RABGAP1L: variants seen among roughly 807,000 people sequenced by gnomAD.
RABGAP1L encodes rab GTPase-activating protein 1-like.
A neutral mutation model predicts 137.7 loss-of-function variants in RABGAP1L; 63 were observed. The ratio of observed to expected loss-of-function variants is 0.46; its 90% CI spans 0.37 to 0.56. The LOEUF is 0.56. Ranked by LOEUF, RABGAP1L falls within the 20% of genes least tolerant of loss-of-function variation. The pLI is 0.00. For synonymous variants in RABGAP1L, 431 were observed against 433.7 expected (o/e 0.99, Z 0.08); for missense variants, 1,095 against 1,244.0 (o/e 0.88, Z 1.80).
At position 174,832,578 on chromosome 1, in the gene RABGAP1L, T is replaced by G. The variant is rs58266314; in HGVS notation, c.2340+20618T>G. Among the ~76,000 whole-genome samples, 826 of 147,956 alleles carry G rather than the reference T, an allele frequency of 5.6e-3. 55 individuals carry two copies. Among genetic ancestry groups the G allele is most frequent in the African/African-American group, 0.019 (779 of 40,548 alleles). On this transcript the variant is annotated intron_variant, in intron 19 of 25. Coordinates refer to ENST00000681986, the MANE Select transcript of RABGAP1L (RefSeq NM_001366446.1). ...TCTTAGGAACTAAGTGCTATGAGCA[T>G]GTTGCAAAAGGAGATCACAGACCCA...
intron 1 of RABGAP1L, among the ~76,000 whole-genome samples, chr1:174,170,590 G>C (rs1237156179): frequency 3.3e-5 from 5 of 149,670 alleles, no homozygotes; most frequent in Non-Finnish European, 5.9e-5. Flanking sequence ...TAGGAGAATC[G>C]CTTGAACCAG....
chr1:174,764,803 G>T (rs1310668283), intron 18 of RABGAP1L, among the ~76,000 whole-genome samples: 1 of 152,124 alleles, frequency 6.6e-6, no homozygotes, highest in Non-Finnish European at 1.5e-5. Flanking sequence ...GCAAACTTCA[G>T]TTCCTTGCCA....
At chr1:174,784,017 T>C (rs956017749) in intron 18 of RABGAP1L, among the ~76,000 whole-genome samples, 1 of 105,066 alleles carries the variant, frequency 9.5e-6, no homozygotes, top group African/African-American at 4.0e-5. Flanking sequence ...TCTTCTTTTT[T>C]TTTTTTTTTT....
intron 11 of RABGAP1L, among the ~76,000 whole-genome samples, chr1:174,352,356 C>T (rs1014813379): frequency 6.6e-6 from 1 of 151,906 alleles, no homozygotes; most frequent in African/African-American, 2.4e-5. Flanking sequence ...TGTTGAAAGA[C>T]TATGATTCAT....
At chr1:174,470,424 C>T (rs539790764) in intron 13 of RABGAP1L, among the ~76,000 whole-genome samples, 58 of 152,282 alleles carry the variant, frequency 3.8e-4, no homozygotes, top group African/African-American at 1.3e-3. Flanking sequence ...TTTATTCATG[C>T]ATCCATGTTG....
At chr1:174,760,927 A>T (rs1198210984) in intron 18 of RABGAP1L, among the ~76,000 whole-genome samples, 1 of 152,244 alleles carries the variant, frequency 6.6e-6, no homozygotes, top group Non-Finnish European at 1.5e-5. Flanking sequence ...ATACTGTTCT[A>T]TGTGCTTGAA....
chr1:174,172,671 C>T (rs1665515296), intron 1 of RABGAP1L, among the ~76,000 whole-genome samples: 1 of 152,082 alleles, frequency 6.6e-6, no homozygotes, highest in African/African-American at 2.4e-5. Context: ...TCTTTAGGTT[C>T]TTTGCCCATT....
chr1:174,692,992 A>G (rs768774273), intron 15 of RABGAP1L, among the ~76,000 whole-genome samples: 1 of 152,188 alleles, frequency 6.6e-6, no homozygotes, highest in African/African-American at 2.4e-5. Context: ...TAATTCCAAA[A>G]TCATGTATTT....
chr1:174,203,262 A>G (rs973705054), intron 1 of RABGAP1L, among the ~76,000 whole-genome samples: 3 of 152,010 alleles, frequency 2.0e-5, no homozygotes, highest in Non-Finnish European at 4.4e-5. Context: ...TTGAATAGGG[A>G]GTCTTTTCCC....
intron 13 of RABGAP1L, among the ~76,000 whole-genome samples, chr1:174,539,687 T>C (rs1392073002): frequency 2.6e-5 from 4 of 152,262 alleles, no homozygotes; most frequent in Non-Finnish European, 1.5e-5. Flanking sequence ...TAATCCAGTC[T>C]ATCATTGATG....
intron 11 of RABGAP1L, among the ~76,000 whole-genome samples, chr1:174,346,052 AT>A (rs1054988520): frequency 2.0e-5 from 3 of 152,050 alleles, no homozygotes; most frequent in South Asian, 2.1e-4. Context: ...AGATTGATTG[AT>A]TTGTGTATGT....
At position 174,540,477 on chromosome 1, in the gene RABGAP1L, A is replaced by G. The variant is rs574462232; in HGVS notation, c.1711-96898A>G. ...TGTTGAATTAATTTTTGTATAAGGT[A>G]TACGGAAGGGATCCAGTTTCAGCTT... On this transcript the variant is annotated intron_variant, in intron 13 of 25. Coordinates refer to ENST00000681986, the MANE Select transcript of RABGAP1L (RefSeq NM_001366446.1). Among the ~76,000 whole-genome samples, 17 of 152,238 alleles carry G rather than the reference A, an allele frequency of 1.1e-4. No homozygotes were observed. In the South Asian group the frequency reaches 2.1e-3, roughly 19 times the overall value.
intron 15 of RABGAP1L, among the ~76,000 whole-genome samples, chr1:174,698,549 G>T (rs1333529395): frequency 6.6e-6 from 1 of 152,038 alleles, no homozygotes; most frequent in East Asian, 1.9e-4. Flanking sequence ...TGTACAAAAT[G>T]ATACATATGC....
intron 19 of RABGAP1L, among the ~76,000 whole-genome samples, chr1:174,903,531 G>C (rs189653131): frequency 1.3e-5 from 2 of 152,168 alleles, no homozygotes; most frequent in African/African-American, 4.8e-5. Context: ...TTCATGTGGG[G>C]TATGGGGAAA....
chr1:174,458,131 G>T (rs1656251052), intron 13 of RABGAP1L, among the ~76,000 whole-genome samples: 1 of 152,022 alleles, frequency 6.6e-6, no homozygotes, highest in Non-Finnish European at 1.5e-5. Context: ...TAACTATAGG[G>T]CAAGATAGGA....
intron 18 of RABGAP1L, among the ~76,000 whole-genome samples, chr1:174,789,726 A>T (rs924281478): frequency 6.6e-6 from 1 of 152,248 alleles, no homozygotes; most frequent in Non-Finnish European, 1.5e-5. Flanking sequence ...AAGGAAACAG[A>T]GGTTCTAAGG....
At chr1:174,659,696 A>C (rs768535050) in intron 14 of RABGAP1L, among the ~76,000 whole-genome samples, 1 of 152,140 alleles carries the variant, frequency 6.6e-6, no homozygotes, top group African/African-American at 2.4e-5. Context: ...TTGTACTTCA[A>C]ACTTATATAT....
rs1194565128 is a variant in RABGAP1L, at chr1:174,830,452, G to GT, written c.2340+18501dup. On this transcript the variant is annotated intron_variant, in intron 19 of 25. Coordinates refer to ENST00000681986, the MANE Select transcript of RABGAP1L (RefSeq NM_001366446.1). ...TAATAATTTCCTTTTATATAATTTG[G>GT]TTTTTTTTTGCCATGAGGTGTTATT... 1.6e-3 allele frequency among the ~76,000 whole-genome samples: 223 copies of GT among 142,982 alleles called. 14 individuals are homozygous for GT. The highest frequency in any genetic ancestry group is 4.3e-3 in the African/African-American group (170 of 39,298). 93.8% of individuals were successfully genotyped at this position (142,982 alleles called of 152,430 possible). A position where few individuals can be genotyped will look rare whatever the true frequency, so the allele number is the denominator to read the frequency against.
intron 18 of RABGAP1L, among the ~76,000 whole-genome samples, chr1:174,759,972 A>G (rs1685093175): frequency 6.6e-6 from 1 of 152,146 alleles, no homozygotes; most frequent in Non-Finnish European, 1.5e-5. Flanking sequence ...CTTCAACATG[A>G]GATTTGGAGG....
Sources: gnomAD v4.1 joint callset for allele counts (sites outside exome capture counted in the v4.1 genomes callset) on GRCh38, gnomAD v4.1.1 for gene constraint, MANE v1.5 for transcripts, NCBI Gene and HGNC (gene_info 2026-07-23, HGNC 2026-07-21) for gene names.